MTFR1: variants seen among roughly 807,000 people sequenced by gnomAD.
The protein encoded by MTFR1 is mitochondrial fission regulator 1.
Under a neutral mutation model 38.8 loss-of-function variants are expected in MTFR1, and 28 were observed. That is an observed-to-expected ratio of 0.72 (90% CI 0.53 to 0.99). The LOEUF is 0.99. Ranked by LOEUF, MTFR1 falls within the 50% of genes least tolerant of loss-of-function variation. The probability of loss-of-function intolerance (pLI) is 0.00; values close to 1 mark genes in which losing one functional copy is unlikely to be tolerated. For missense variants in MTFR1, 358 were observed against 395.5 expected, an observed-to-expected ratio of 0.91 and a Z score of 0.81; for synonymous variants, 145 against 137.0, an observed-to-expected ratio of 1.06 and a Z score of -0.41.
At chr8:65,644,599 C>T (rs551646415), upstream of MTFR1, 1 of 152,392 alleles carries the variant, frequency 6.6e-6, no homozygotes, top group East Asian at 1.9e-4. Context: ...CAGCAGCCGG[C>T]TTGCGGAGCG....
chr8:65,705,743 A>G (rs1291880619), intron 5 of MTFR1, among the ~76,000 whole-genome samples: 1 of 152,214 alleles, frequency 6.6e-6, no homozygotes, highest in Non-Finnish European at 1.5e-5. Flanking sequence ...AGTTATTGTG[A>G]GAATAAATAT....
intron 4 of MTFR1, among the ~76,000 whole-genome samples, chr8:65,704,216 T>A (rs533575975): frequency 3.3e-5 from 5 of 152,344 alleles, no homozygotes; most frequent in African/African-American, 1.2e-4. Flanking sequence ...ACTTTTTTGC[T>A]CTTACCCTGG....
the MTFR1 span, among the ~76,000 whole-genome samples, chr8:65,777,838 T>C: frequency 6.6e-6 from 1 of 152,204 alleles, no homozygotes; most frequent in African/African-American, 2.4e-5. Flanking sequence ...GTCTTTGATT[T>C]TGGTTTTCAT....
rs1477237304 is a variant in MTFR1, at chr8:65,709,235, G to T, written c.*191G>T. 1 of 570,936 alleles carries T rather than the reference G, an allele frequency of 1.8e-6. No homozygotes were observed. The highest frequency in any genetic ancestry group is 3.1e-6 in the Non-Finnish European group (1 of 318,570). 35.4% of individuals were successfully genotyped at this position (570,936 alleles called of 1,614,324 possible). On this transcript the variant is annotated 3_prime_UTR_variant, in exon 8 of 8. Coordinates refer to ENST00000262146, the MANE Select transcript of MTFR1 (RefSeq NM_014637.4). ...TTGCTTTTGTGAGATGGTCAGCTTTGGTGCTCTCCACAACATGTGTGTTCT... is the reference window on the plus strand; with the variant it reads ...TTGCTTTTGTGAGATGGTCAGCTTTTGTGCTCTCCACAACATGTGTGTTCT...
chr8:65,666,670 C>T (rs1804390375), intron 1 of MTFR1, among the ~76,000 whole-genome samples: 1 of 152,098 alleles, frequency 6.6e-6, no homozygotes, highest in Non-Finnish European at 1.5e-5. Context: ...TATGTAATGA[C>T]TTAATAAGCA....
rs187763298 is a variant in MTFR1 at position 65,695,559 on chromosome 8, G to A, written c.281+1800G>A. On this transcript the variant is annotated intron_variant, in intron 4 of 7. Transcript: ENST00000262146. ...TTTAGTAGAGACGGGGTTTCACCAC[G>A]TTGGCCAGGCTGGTCTTGAACTCCT... 1.6e-4 allele frequency among the ~76,000 whole-genome samples: 24 copies of A among 152,214 alleles called. No individual in the cohort carries two copies. In the East Asian group the frequency reaches 1.9e-3, roughly 12 times the overall value.
At chr8:65,719,678 T>C in intron 3 of MTFR1, 1 of 569,066 alleles carries the variant, frequency 1.8e-6, no homozygotes, top group Admixed American at 3.0e-5. Context: ...TTTGAAGAAC[T>C]GATTTCTTAA....
At chr8:65,669,636 C>T (rs940031209) in intron 1 of MTFR1, among the ~76,000 whole-genome samples, 2 of 151,970 alleles carry the variant, frequency 1.3e-5, no homozygotes, top group Non-Finnish European at 2.9e-5. Flanking sequence ...ACCGCAACCT[C>T]CGCCTCCTGG....
chr8:65,686,579 C>CAAAAAA (rs757100773), intron 3 of MTFR1, among the ~76,000 whole-genome samples: 1 of 62,396 alleles, frequency 1.6e-5, no homozygotes, highest in African/African-American at 6.6e-5. Context: ...GACTCCGTCT[C>CAAAAAA]AAAAAAAAAA....
chr8:65,677,068 CTTTTTTTTTTTTT>C (rs1166560010), intron 2 of MTFR1, among the ~76,000 whole-genome samples: 2 of 100,108 alleles, frequency 2.0e-5, no homozygotes, highest in South Asian at 6.3e-4. Flanking sequence ...CTATTTCTCT[CTTTTTTTTTTTTT>C]TTTTTTTTTT....
At chr8:65,746,144 G>A (rs1382995061) in intron 3 of MTFR1, among the ~76,000 whole-genome samples, 1 of 151,294 alleles carries the variant, frequency 6.6e-6, no homozygotes, top group Admixed American at 6.6e-5. Flanking sequence ...TGCTGCCCAG[G>A]GCTGGTTTCA....
chr8:65,775,561 T>G (rs755060662), downstream of MTFR1, among the ~76,000 whole-genome samples: 1 of 152,240 alleles, frequency 6.6e-6, no homozygotes, highest in Non-Finnish European at 1.5e-5. Context: ...CAGGCCTTTT[T>G]GTTTTCTAGC....
chr8:65,649,040 T>A (rs528209853), intron 1 of MTFR1, among the ~76,000 whole-genome samples: 2 of 150,864 alleles, frequency 1.3e-5, no homozygotes, highest in South Asian at 4.2e-4. Flanking sequence ...AAAATAACAA[T>A]ATGACAATAA....
intron 3 of MTFR1, among the ~76,000 whole-genome samples, chr8:65,720,069 G>GA (rs1413160919): frequency 2.0e-5 from 3 of 152,232 alleles, no homozygotes; most frequent in East Asian, 3.9e-4. Flanking sequence ...TGGGGTTAGT[G>GA]AAAAAATCAT....
intron 3 of MTFR1, among the ~76,000 whole-genome samples, chr8:65,745,107 C>G (rs1182886771): frequency 1.3e-5 from 2 of 152,186 alleles, no homozygotes; most frequent in African/African-American, 2.4e-5. Flanking sequence ...GGGGTTTCCC[C>G]TTTTGCTTGG....
At chr8:65,703,419 G>GT (rs553260839) in intron 4 of MTFR1, among the ~76,000 whole-genome samples, 4,505 of 50,832 alleles carry the variant, frequency 0.089, 1,310 homozygotes, top group Non-Finnish European at 0.13. Flanking sequence ...GATGTCTCTG[G>GT]TTTTTTTTTT....
At chr8:65,740,226 T>C (rs985413429) in intron 3 of MTFR1, among the ~76,000 whole-genome samples, 4 of 152,124 alleles carry the variant, frequency 2.6e-5, no homozygotes, top group African/African-American at 9.7e-5. Flanking sequence ...AAACTCGTAG[T>C]CAACACTGCC....
rs755076306 is a variant in MTFR1 at position 65,707,270 on chromosome 8, C to G, written c.764+14C>G. The G allele has an allele frequency of 1.2e-6, 2 of 1,602,494 alleles. No homozygotes were observed. Among genetic ancestry groups the G allele is most frequent in the South Asian group, 2.2e-5 (2 of 89,056 alleles). On this transcript the variant is annotated intron_variant, in intron 6 of 7. Transcript: ENST00000262146. ...GTCAGTGAAGAGGTGAGGATACATTCACCTTCTTTCTTCCCCATTTGTTTG... is the reference window on the plus strand; with the variant it reads ...GTCAGTGAAGAGGTGAGGATACATTGACCTTCTTTCTTCCCCATTTGTTTG...
chr8:65,733,009 C>G (rs1806963925), intron 3 of MTFR1, among the ~76,000 whole-genome samples: 1 of 152,118 alleles, frequency 6.6e-6, no homozygotes, highest in Non-Finnish European at 1.5e-5. Context: ...GTGCCCAGTC[C>G]TGGGTGACTC....
Sources: allele counts gnomAD v4.1 joint callset (sites outside exome capture counted in the v4.1 genomes callset), GRCh38; gene constraint gnomAD v4.1.1; transcripts MANE v1.5; gene names NCBI Gene and HGNC (gene_info 2026-07-23, HGNC 2026-07-21).